Variants in NBN observed in about 807,000 individuals in gnomAD.
NBN encodes the protein Nijmegen breakage syndrome 1 (nibrin).
A neutral mutation model predicts 90.8 loss-of-function variants in NBN; 88 were observed. The observed-to-expected ratio is 0.97, with a 90% CI of 0.82 to 1.16. The LOEUF (loss-of-function observed/expected upper bound fraction) is 1.16, where lower values mean the gene tolerates loss of function less well. NBN is among the 50% of genes most tolerant of loss of function. The probability of loss-of-function intolerance (pLI) is 0.00; values close to 1 mark genes in which losing one functional copy is unlikely to be tolerated. For missense variants in NBN, 894 were observed against 869.6 expected (o/e 1.03, Z -0.35); for synonymous variants, 328 against 295.1 (o/e 1.11, Z -1.14).
At chr8:89,942,211 G>GCC (rs1809982678) in intron 14 of NBN, among the ~76,000 whole-genome samples, 1 of 152,106 alleles carries the variant, frequency 6.6e-6, no homozygotes, top group Non-Finnish European at 1.5e-5. Context: ...CTTAGTGAAG[G>GCC]AAATAAATAA....
intron 10 of NBN, 98 bp downstream of exon 10, chr8:89,955,185 A>C (rs544313914): frequency 8.3e-7 from 1 of 1,211,036 alleles, no homozygotes; most frequent in South Asian, 1.3e-5. Flanking sequence ...GCAGAAGCAT[A>C]CTTAATCAGA....
At chr8:89,984,337 C>G (rs1361690955) in intron 1 of NBN, 188 bp downstream of exon 1, 3 of 657,446 alleles carry the variant, frequency 4.6e-6, no homozygotes, top group Non-Finnish European at 8.2e-6. Flanking sequence ...GCGCTGAATT[C>G]CAGCTCACAG....
chr8:89,950,356 A>G (rs1421143381), intron 11 of NBN, among the ~76,000 whole-genome samples: 1 of 152,214 alleles, frequency 6.6e-6, no homozygotes, highest in African/African-American at 2.4e-5. Flanking sequence ...AATACTTACA[A>G]TACCTAATAC....
chr8:89,949,841 C>A (rs1022289905), intron 11 of NBN, among the ~76,000 whole-genome samples: 4 of 152,102 alleles, frequency 2.6e-5, no homozygotes, highest in Admixed American at 2.6e-4. Flanking sequence ...TTTTCTCTGA[C>A]AGTCACTTCT....
chr8:89,960,432 T>C (rs568623188), intron 8 of NBN, among the ~76,000 whole-genome samples: 3 of 152,254 alleles, frequency 2.0e-5, no homozygotes, highest in South Asian at 2.1e-4. Context: ...AGAGGACTGC[T>C]TGAGGCCAGG....
chr8:89,977,391 G>A (rs555314456), intron 5 of NBN, among the ~76,000 whole-genome samples: 2 of 152,268 alleles, frequency 1.3e-5, no homozygotes, highest in South Asian at 4.1e-4. Context: ...CCCTGCAAAC[G>A]ACATGAACTC....
chr8:89,968,905 A>G (rs1022977655), intron 7 of NBN, among the ~76,000 whole-genome samples: 1 of 152,194 alleles, frequency 6.6e-6, no homozygotes, highest in Non-Finnish European at 1.5e-5. Context: ...TAGTAATAAG[A>G]TAGTATTTTT....
intron 15 of NBN, 75 bp from the exon 16 acceptor site, chr8:89,935,687 A>G: frequency 6.4e-7 from 1 of 1,561,300 alleles, no homozygotes; most frequent in Non-Finnish European, 8.8e-7. Flanking sequence ...AGAACTTTCA[A>G]ACTGTAGTCA....
At chr8:89,963,617 T>C (rs1032395720) in intron 8 of NBN, among the ~76,000 whole-genome samples, 3 of 152,172 alleles carry the variant, frequency 2.0e-5, no homozygotes, top group African/African-American at 7.2e-5. Flanking sequence ...GGGGAAACAG[T>C]GACTGTCTCT....
rs876658501 is a variant in NBN, at chr8:89,953,467, G to C, written c.1622C>G (p.Ala541Gly). ...TTTATTTGATCTTAGCTTTTCTGCA[G>C]CATGAGATTTACTGGCAGAATTTTT... ...IVKNSASKSH[A>G]AEKLRSNKKR... Residue 541 changes from alanine (A) to glycine (G), a missense_variant, in exon 11 of 16, where the codon GCT becomes GGT. Physicochemically the swap from Ala to Gly is moderately conservative, Grantham distance 60. Coordinates refer to ENST00000265433, the MANE Select transcript of NBN (RefSeq NM_002485.5). 1.2e-6 allele frequency: 2 copies of C among 1,613,544 alleles called. No homozygotes were observed. Among genetic ancestry groups the C allele is most frequent in the Non-Finnish European group, 1.7e-6 (2 of 1,179,676 alleles).
intron 7 of NBN, among the ~76,000 whole-genome samples, chr8:89,969,076 A>G (rs1261036025): frequency 1.3e-5 from 2 of 152,242 alleles, no homozygotes; most frequent in African/African-American, 4.8e-5. Context: ...GACAGGAAGA[A>G]TGAATCTTTG....
chr8:89,953,846 GA>G (rs1372050398), intron 10 of NBN, 155 bp from the exon 11 acceptor site: 1 of 197,868 alleles, frequency 5.1e-6, no homozygotes, highest in Non-Finnish European at 9.1e-6. Flanking sequence ...ATAGACCTTT[GA>G]AAACAGTGCA....
intron 5 of NBN, among the ~76,000 whole-genome samples, chr8:89,977,396 G>A (rs1208500406): frequency 6.6e-6 from 1 of 152,102 alleles, no homozygotes; most frequent in African/African-American, 2.4e-5. Context: ...CAAACGACAT[G>A]AACTCATTCT....
intron 14 of NBN, among the ~76,000 whole-genome samples, chr8:89,942,431 C>T (rs1254810675): frequency 6.6e-6 from 1 of 151,960 alleles, no homozygotes; most frequent in Non-Finnish European, 1.5e-5. Context: ...TCAAGAAAAC[C>T]CTACAGATCG....
Position 89,955,489 on chromosome 8 carries a change from T to C in NBN, c.1191A>G (p.Ser397=), listed in dbSNP as rs2129721280. ...SKMEQKFRML[S]QDAPTVKESC... ...ACTCCTTTACAGTGGGTGCATCTTG[T>C]GAAAGCATTCTGAATTTTTGTTCCA... The change falls in exon 10 of 16, where the codon TCA becomes TCG. Residue 397 remains serine, a synonymous_variant. Coordinates refer to ENST00000265433, the MANE Select transcript of NBN (RefSeq NM_002485.5). 6.2e-7 allele frequency: 1 copy of C among 1,613,656 alleles called. No individual in the cohort carries two copies. The highest frequency in any genetic ancestry group is 1.1e-5 in the South Asian group (1 of 91,068).
intron 5 of NBN, among the ~76,000 whole-genome samples, chr8:89,974,286 G>C (rs895453645): frequency 7.9e-6 from 1 of 127,076 alleles, no homozygotes; most frequent in African/African-American, 3.2e-5. Flanking sequence ...ATCTTGAAAA[G>C]GCTAGACTAC....
chr8:89,934,851 T>C lies in NBN; in HGVS notation c.*731A>G, dbSNP rs576123506. On this transcript the variant is annotated 3_prime_UTR_variant, in exon 16 of 16. Transcript: ENST00000265433. ...AGGAAAACTAGGACTCTAAATAAGC[T>C]CAAAACAGACACCCACCCAGCTCAG... 15 of 232,760 alleles carry C rather than the reference T, an allele frequency of 6.4e-5. No homozygotes were observed. The highest frequency in any genetic ancestry group is 1.1e-4 in the Non-Finnish European group (13 of 117,790). The allele number at this position is 232,760 out of a possible 1,614,324, so 14.4% of individuals were successfully genotyped here. A position where few individuals can be genotyped will look rare whatever the true frequency, so the allele number is the denominator to read the frequency against.
intron 2 of NBN, chr8:89,981,930 A>C: frequency 8.9e-7 from 1 of 1,124,618 alleles, no homozygotes; most frequent in Admixed American, 3.7e-5. Context: ...ATACGAGGTT[A>C]TAGGCTAGTG....
intron 7 of NBN, among the ~76,000 whole-genome samples, chr8:89,965,041 G>A (rs893532799): frequency 1.3e-5 from 2 of 152,088 alleles, no homozygotes; most frequent in Non-Finnish European, 2.9e-5. Flanking sequence ...CTGAACTTAT[G>A]AGGTGGAGGT....
Sources: gnomAD v4.1 joint callset for allele counts (sites outside exome capture counted in the v4.1 genomes callset) on GRCh38, gnomAD v4.1.1 for gene constraint, MANE v1.5 for transcripts, NCBI Gene and HGNC (gene_info 2026-07-23, HGNC 2026-07-21) for gene names.